Variants in LRRTM4 observed in about 807,000 individuals in gnomAD.
LRRTM4 encodes leucine-rich repeat transmembrane neuronal protein 4.
A neutral mutation model predicts 47.6 loss-of-function variants in LRRTM4; 25 were observed. The observed-to-expected ratio is 0.53, with a 90% CI of 0.38 to 0.73. The LOEUF (loss-of-function observed/expected upper bound fraction) is 0.73, where lower values mean the gene tolerates loss of function less well. LRRTM4 is among the 30% of genes least tolerant of loss of function. The pLI is 0.00. For synonymous variants in LRRTM4, 311 were observed against 269.5 expected (o/e 1.15, Z -1.51); for missense variants, 638 against 713.4 (o/e 0.89, Z 1.20).
At chr2:77,037,774 C>A (rs946755598) in intron 3 of LRRTM4, among the ~76,000 whole-genome samples, 2 of 151,718 alleles carry the variant, frequency 1.3e-5, no homozygotes, top group Non-Finnish European at 3.0e-5. Flanking sequence ...ACATCAACCA[C>A]CAGAGTTTAT....
chr2:77,477,182 G>A (rs954541816), intron 3 of LRRTM4, among the ~76,000 whole-genome samples: 5 of 152,116 alleles, frequency 3.3e-5, no homozygotes, highest in African/African-American at 4.8e-5. Flanking sequence ...GAGTGCACAC[G>A]ATCATGATGA....
intron 3 of LRRTM4, among the ~76,000 whole-genome samples, chr2:77,416,178 G>T (rs1674628804): frequency 6.6e-6 from 1 of 152,024 alleles, no homozygotes; most frequent in South Asian, 2.1e-4. Flanking sequence ...ATATGGGATA[G>T]AATAATATTT....
At chr2:77,037,732 T>C (rs1364701098) in intron 3 of LRRTM4, among the ~76,000 whole-genome samples, 2 of 150,532 alleles carry the variant, frequency 1.3e-5, no homozygotes, top group African/African-American at 4.9e-5. Flanking sequence ...ATTTGTTTGG[T>C]TGTTTGTTTG....
At chr2:77,136,255 G>A (rs1671938636) in intron 3 of LRRTM4, among the ~76,000 whole-genome samples, 1 of 152,292 alleles carries the variant, frequency 6.6e-6, no homozygotes, top group Admixed American at 6.5e-5. Flanking sequence ...ACCTCACATG[G>A]CTGGGTACCC....
chr2:77,299,771 A>G (rs1009303087), intron 3 of LRRTM4, among the ~76,000 whole-genome samples: 1 of 152,162 alleles, frequency 6.6e-6, no homozygotes, highest in African/African-American at 2.4e-5. Context: ...AGCCTTTCAA[A>G]GAAAACATGT....
chr2:76,848,797 A>ATTTAT, intron 3 of LRRTM4, among the ~76,000 whole-genome samples: 1 of 152,160 alleles, frequency 6.6e-6, no homozygotes, highest in East Asian at 1.9e-4. Context: ...CAAGTATAAA[A>ATTTAT]TTTATTTTCT....
Position 77,522,097 on chromosome 2 carries a change from T to G in LRRTM4, c.-148+12A>C. ...GTAAAAAGAGAGGAAAAAAAGAAAA[T>G]CTTCAGAATACCTGGCATTCCTTAT... is the stretch of plus-strand genomic sequence containing the variant. On this transcript the variant is annotated intron_variant, in intron 1 of 3. Coordinates refer to ENST00000409884, the MANE Select transcript of LRRTM4 (RefSeq NM_001134745.3). The G allele has an allele frequency of 1.4e-6, 1 of 715,862 alleles. No individual in the cohort carries two copies. The highest frequency in any genetic ancestry group is 2.6e-6 in the Non-Finnish European group (1 of 384,160). 44.3% of individuals were successfully genotyped at this position (715,862 alleles called of 1,614,324 possible). A position where few individuals can be genotyped will look rare whatever the true frequency, so the allele number is the denominator to read the frequency against.
chr2:77,180,021 G>A (rs986532345), intron 3 of LRRTM4, among the ~76,000 whole-genome samples: 1 of 152,058 alleles, frequency 6.6e-6, no homozygotes, highest in Admixed American at 6.6e-5. Context: ...AAAGTGGAGG[G>A]CAAAATAAAA....
chr2:76,978,275 G>A (rs562496262), intron 3 of LRRTM4, among the ~76,000 whole-genome samples: 47 of 152,050 alleles, frequency 3.1e-4, no homozygotes, highest in African/African-American at 1.1e-3. Flanking sequence ...CCTTGCTAAG[G>A]CATTTCCCCC....
At chr2:76,835,026 A>G (rs973757787) in intron 3 of LRRTM4, among the ~76,000 whole-genome samples, 3 of 152,142 alleles carry the variant, frequency 2.0e-5, no homozygotes, top group African/African-American at 7.2e-5. Context: ...TGGTAATATC[A>G]TAAGGAAGAC....
intron 3 of LRRTM4, among the ~76,000 whole-genome samples, chr2:77,479,757 T>C (rs1299852702): frequency 7.9e-5 from 12 of 151,166 alleles, no homozygotes; most frequent in Admixed American, 7.9e-4. Flanking sequence ...TCTCTTTCTC[T>C]CTCTCTTTCT....
At position 76,748,430 on chromosome 2, in the gene LRRTM4, CT is replaced by C. The variant is rs1280504995; in HGVS notation, c.*264del. On this transcript the variant is annotated 3_prime_UTR_variant, in exon 4 of 4. Coordinates refer to ENST00000409884, the MANE Select transcript of LRRTM4 (RefSeq NM_001134745.3). Reference sequence around the variant, plus strand: ...TCTATTTTTATAAGAACTTGACACTCTTACTATTTACATCCGGGAGCATTTT... The same window carrying C: ...TCTATTTTTATAAGAACTTGACACTCTACTATTTACATCCGGGAGCATTTT... 2.1e-6 allele frequency: 1 copy of C among 483,622 alleles called. No homozygotes were observed. Among genetic ancestry groups the C allele is most frequent in the Non-Finnish European group, 3.7e-6 (1 of 270,072 alleles). 30.0% of individuals were successfully genotyped at this position (483,622 alleles called of 1,614,324 possible).
chr2:77,430,863 T>G lies in LRRTM4; in HGVS notation c.1551+87455A>C, dbSNP rs886576225. Among the ~76,000 whole-genome samples the G allele has an allele frequency of 1.8e-4, 26 of 148,500 alleles. 2 individuals are homozygous for G. Among genetic ancestry groups the G allele is most frequent in the African/African-American group, 6.8e-4 (26 of 38,172 alleles). ...TTGGGGGACTGAGTGGGGGAAGATC[T>G]GCTCTCAGTGGGGGCAGGCACCATC... On this transcript the variant is annotated intron_variant, in intron 3 of 3. Transcript: ENST00000409884.
rs375082088 is a variant in LRRTM4, at chr2:77,364,359, A to C, written c.1551+153959T>G. Among the ~76,000 whole-genome samples the C allele has an allele frequency of 3.5e-4, 53 of 152,242 alleles. 1 individual carries two copies. The South Asian group carries it at 0.011, about 32-fold the overall frequency. ...TGGAGAAAGCTACAACGTTGATTCA[A>C]TTTTAAAGGACTTAGAGAACTACAG... On this transcript the variant is annotated intron_variant, in intron 3 of 3. Transcript: ENST00000409884.
intron 3 of LRRTM4, among the ~76,000 whole-genome samples, chr2:76,891,048 A>G (rs745905407): frequency 6.6e-6 from 1 of 151,830 alleles, no homozygotes; most frequent in Non-Finnish European, 1.5e-5. Context: ...TGGAATGAAA[A>G]TAGTCAGTTT....
At chr2:77,067,469 G>C (rs1053832190) in intron 3 of LRRTM4, among the ~76,000 whole-genome samples, 2 of 151,978 alleles carry the variant, frequency 1.3e-5, no homozygotes, top group African/African-American at 2.4e-5. Context: ...CAGTGTGGGT[G>C]GGGGGCTGGG....
intron 3 of LRRTM4, among the ~76,000 whole-genome samples, chr2:77,486,844 G>A (rs1334392026): frequency 6.6e-6 from 1 of 152,074 alleles, no homozygotes; most frequent in Non-Finnish European, 1.5e-5. Context: ...CAACTCTTCT[G>A]ATAAAGATCT....
chr2:77,517,075 C>T (rs1244419049), intron 3 of LRRTM4: 2 of 984,930 alleles, frequency 2.0e-6, no homozygotes, highest in African/African-American at 1.7e-5. Flanking sequence ...CTAGTTTCTT[C>T]CAGCAACAAG....
At chr2:77,491,029 G>A (rs901265723) in intron 3 of LRRTM4, among the ~76,000 whole-genome samples, 29 of 151,914 alleles carry the variant, frequency 1.9e-4, no homozygotes, top group African/African-American at 6.8e-4. Context: ...AAATGAGAAT[G>A]TAAGTTGCCA....
Sources: allele counts gnomAD v4.1 joint callset (sites outside exome capture counted in the v4.1 genomes callset), GRCh38; gene constraint gnomAD v4.1.1; transcripts MANE v1.5; gene names NCBI Gene and HGNC (gene_info 2026-07-23, HGNC 2026-07-21).